Variants in SLC23A2 observed in about 807,000 individuals in gnomAD.
SLC23A2 encodes Na(+)/L-ascorbic acid transporter 2.
Under a neutral mutation model 73.3 loss-of-function variants are expected in SLC23A2, and 36 were observed. The observed-to-expected ratio is 0.49, with a 90% CI of 0.38 to 0.65. The LOEUF is 0.65. SLC23A2 is among the 30% of genes least tolerant of loss of function. SLC23A2 has a pLI of 0.00. For synonymous variants in SLC23A2, 343 were observed against 327.3 expected (o/e 1.05, Z -0.52); for missense variants, 507 against 841.6 (o/e 0.60, Z 4.92).
chr20:4,972,577 T>G (rs199861980), intron 1 of SLC23A2, among the ~76,000 whole-genome samples: 3,161 of 118,244 alleles, frequency 0.027, 131 homozygotes, highest in Admixed American at 0.13. Flanking sequence ...TTTTTTGGGG[T>G]TTTTTTGTTG....
chr20:4,949,575 C>G (rs1217737611), intron 2 of SLC23A2, among the ~76,000 whole-genome samples: 1 of 152,060 alleles, frequency 6.6e-6, no homozygotes, highest in Non-Finnish European at 1.5e-5. Context: ...CTAAGAAACC[C>G]TTTGGAGATT....
intron 13 of SLC23A2, among the ~76,000 whole-genome samples, chr20:4,865,828 ATT>A (rs960591815): frequency 6.6e-6 from 1 of 151,104 alleles, no homozygotes; most frequent in African/African-American, 2.4e-5. Context: ...TTATTTATAT[ATT>A]TTTTTTTATT....
chr20:4,939,298 A>C (rs112116716), intron 2 of SLC23A2, among the ~76,000 whole-genome samples: 3,492 of 152,280 alleles, frequency 0.023, 135 homozygotes, highest in African/African-American at 0.08. Context: ...GTATAATGTA[A>C]GAGTGGTTTT....
chr20:4,987,236 A>C (rs2087845148), intron 1 of SLC23A2, among the ~76,000 whole-genome samples: 1 of 152,196 alleles, frequency 6.6e-6, no homozygotes, highest in South Asian at 2.1e-4. Flanking sequence ...GAGTGGATGA[A>C]AGAATAAAGG....
chr20:4,944,333 G>A (rs552277318), intron 2 of SLC23A2, among the ~76,000 whole-genome samples: 8 of 152,140 alleles, frequency 5.3e-5, no homozygotes, highest in South Asian at 4.1e-4. Flanking sequence ...TCCACCTCCC[G>A]GGTTCAAACA....
intron 11 of SLC23A2, among the ~76,000 whole-genome samples, chr20:4,870,792 A>C (rs1315856145): frequency 6.6e-6 from 1 of 152,206 alleles, no homozygotes; most frequent in African/African-American, 2.4e-5. Flanking sequence ...TCAAGTGAAA[A>C]GGCAGTGAGA....
chr20:4,991,756 ACACACAC>A (rs2087928376), intron 1 of SLC23A2, among the ~76,000 whole-genome samples: 3 of 150,826 alleles, frequency 2.0e-5, no homozygotes, highest in African/African-American at 7.4e-5. Context: ...ACACACACAC[ACACACAC>A]AAAAGTAATC....
At chr20:4,896,103 G>A (rs559231847) in intron 6 of SLC23A2, among the ~76,000 whole-genome samples, 10 of 152,302 alleles carry the variant, frequency 6.6e-5, no homozygotes, top group Admixed American at 2.0e-4. Context: ...GTGGAGAGAC[G>A]TGGGGGGGAT....
intron 5 of SLC23A2, among the ~76,000 whole-genome samples, chr20:4,900,286 T>C (rs978556839): frequency 6.6e-6 from 1 of 152,244 alleles, no homozygotes; most frequent in Non-Finnish European, 1.5e-5. Context: ...ACTGGTGATA[T>C]TTTACTTATG....
intron 12 of SLC23A2, 29 bp downstream of exon 12, chr20:4,869,877 A>C: frequency 2.5e-6 from 4 of 1,591,826 alleles, no homozygotes; most frequent in Non-Finnish European, 1.7e-6. Flanking sequence ...GCTGGGACCA[A>C]TCAGGAACTT....
rs1327827932 is a variant in SLC23A2 at position 4,852,569 on chromosome 20, C to T, written c.*4403G>A. On this transcript the variant is annotated 3_prime_UTR_variant, in exon 17 of 17. Transcript: ENST00000338244. The surrounding 1 kb of genome is among the most constrained non-coding windows in gnomAD (Gnocchi z 4.3). ...ACACATCTCAAAAAACAACCCCACC[C>T]CAAATACCCTCGGTAATCAAAATAA... is the stretch of plus-strand genomic sequence containing the variant. 1 of 152,412 alleles carries T rather than the reference C, an allele frequency of 6.6e-6. No homozygotes were observed. Among genetic ancestry groups the T allele is most frequent in the Non-Finnish European group, 1.5e-5 (1 of 68,012 alleles). 9.4% of individuals were successfully genotyped at this position (152,412 alleles called of 1,614,324 possible).
Position 4,913,386 on chromosome 20 carries a change from A to G in SLC23A2, c.109-408T>C, listed in dbSNP as rs72552234. On this transcript the variant is annotated intron_variant, in intron 3 of 16. Transcript: ENST00000338244. ...GAACTCAAGCTTTGCTGTTCACCTA[A>G]GTAAACCAGCCCACTGGAGAACACT... Among the ~76,000 whole-genome samples, 1,324 of 152,280 alleles carry G rather than the reference A, an allele frequency of 8.7e-3. 14 individuals are homozygous for G. Among genetic ancestry groups the G allele is most frequent in the African/African-American group, 0.03 (1,243 of 41,564 alleles).
At chr20:4,911,534 G>T (rs1474051588) in intron 4 of SLC23A2, among the ~76,000 whole-genome samples, 1 of 152,038 alleles carries the variant, frequency 6.6e-6, no homozygotes, top group Non-Finnish European at 1.5e-5. Context: ...CTTCTGGGTG[G>T]TCTGTTATTA....
chr20:4,991,743 C>T (rs1002909248), intron 1 of SLC23A2, among the ~76,000 whole-genome samples: 4 of 151,290 alleles, frequency 2.6e-5, no homozygotes, highest in African/African-American at 9.7e-5. Flanking sequence ...CACACACACA[C>T]ACACACACAC....
At chr20:5,002,948 T>C (rs935410838), upstream of SLC23A2, among the ~76,000 whole-genome samples, 2 of 152,132 alleles carry the variant, frequency 1.3e-5, no homozygotes, top group Non-Finnish European at 2.9e-5. Context: ...AAATGAACCT[T>C]CTAATTTGAC....
At chr20:4,919,199 T>A (rs866679065) in intron 3 of SLC23A2, among the ~76,000 whole-genome samples, 6 of 152,188 alleles carry the variant, frequency 3.9e-5, no homozygotes, top group African/African-American at 1.4e-4. Context: ...CAGCAGCCGA[T>A]AGATCTAACA....
intron 6 of SLC23A2, among the ~76,000 whole-genome samples, chr20:4,896,515 C>T (rs1057155632): frequency 1.3e-5 from 2 of 152,198 alleles, no homozygotes; most frequent in Admixed American, 6.5e-5. Context: ...CTCTAAGCCG[C>T]TCCACTGGAA....
intron 2 of SLC23A2, among the ~76,000 whole-genome samples, chr20:4,959,679 G>A (rs774781250): frequency 1.3e-5 from 2 of 151,946 alleles, no homozygotes; most frequent in Non-Finnish European, 2.9e-5. Flanking sequence ...TCTAATTTTT[G>A]TAGAGATGAG....
chr20:4,927,154 T>C (rs1397571444), intron 3 of SLC23A2, among the ~76,000 whole-genome samples: 1 of 151,838 alleles, frequency 6.6e-6, no homozygotes, highest in African/African-American at 2.4e-5. Flanking sequence ...ACTTGACGAG[T>C]GCAACTAACG....
Sources: gnomAD v4.1 joint callset for allele counts (sites outside exome capture counted in the v4.1 genomes callset) on GRCh38, gnomAD v4.1.1 for gene constraint, Gnocchi (gnomAD v3.1) non-coding constraint, MANE v1.5 for transcripts, NCBI Gene and HGNC (gene_info 2026-07-23, HGNC 2026-07-21) for gene names.